PPP2R2B: variants seen among roughly 807,000 people sequenced by gnomAD.
PPP2R2B encodes serine/threonine-protein phosphatase 2A 55 kDa regulatory subunit B beta isoform.
Under a neutral mutation model 46.0 loss-of-function variants are expected in PPP2R2B, and 5 were observed. That is an observed-to-expected ratio of 0.11 (90% CI 0.06 to 0.23). PPP2R2B has a LOEUF of 0.23. Among genes scored for constraint, PPP2R2B ranks in the 10% least tolerant of loss-of-function variants. The pLI is 1.00. For missense variants in PPP2R2B, 367 were observed against 575.0 expected (o/e 0.64, Z 3.70); for synonymous variants, 215 against 206.7 (o/e 1.04, Z -0.34).
Position 146,590,190 on chromosome 5 carries a change from C to T in PPP2R2B, c.1089G>A (p.Arg363=). ...CACGCTTGGTGTTTCTGTCGAACAT[C>T]CTGAAGAAGTTGTTGTAGGAGCCTG... ...IMTGSYNNFF[R]MFDRNTKRDV... The change falls in exon 10 of 10, where the codon AGG becomes AGA. Residue 363 remains arginine (R), a synonymous_variant. Coordinates refer to ENST00000394411, the MANE Select transcript of PPP2R2B (RefSeq NM_181675.4). The T allele has an allele frequency of 6.2e-7, 1 of 1,613,262 alleles. No homozygotes were observed. Among genetic ancestry groups the T allele is most frequent in the South Asian group, 1.1e-5 (1 of 91,052 alleles).
chr5:146,882,697 G>A (rs942771628), upstream of PPP2R2B, among the ~76,000 whole-genome samples: 3 of 152,220 alleles, frequency 2.0e-5, no homozygotes, highest in African/African-American at 4.8e-5. Flanking sequence ...CACTGGGATA[G>A]GATTATAGAT....
intron 5 of PPP2R2B, among the ~76,000 whole-genome samples, chr5:146,653,015 C>T (rs1376120676): frequency 2.6e-5 from 4 of 152,098 alleles, no homozygotes; most frequent in Non-Finnish European, 1.5e-5. Flanking sequence ...AAACACTACA[C>T]CAAAATATTT....
intron 7 of PPP2R2B, among the ~76,000 whole-genome samples, chr5:146,602,430 T>G (rs1274097208): frequency 1.1e-4 from 16 of 152,290 alleles, no homozygotes; most frequent in Non-Finnish European, 1.5e-5. Flanking sequence ...CTGAAACATA[T>G]GCATTTGCTG....
exon 1 of PPP2R2B, chr5:147,055,887 T>TGGGTGCA (rs1338470324): frequency 9.6e-5 from 139 of 1,450,750 alleles, no homozygotes; most frequent in Non-Finnish European, 1.2e-4. Context: ...GCCCGAGGAA[T>TGGGTGCA]AACTGGAGAT....
chr5:146,609,020 C>G (rs765105247), intron 7 of PPP2R2B, among the ~76,000 whole-genome samples: 7 of 152,010 alleles, frequency 4.6e-5, no homozygotes, highest in Admixed American at 1.3e-4. Flanking sequence ...ATACAAAAAT[C>G]CTCAAAAAAA....
chr5:146,980,695 T>C (rs888074413), intron 1 of PPP2R2B, among the ~76,000 whole-genome samples: 8 of 152,228 alleles, frequency 5.3e-5, no homozygotes, highest in Admixed American at 5.2e-4. Context: ...ATGTGGTCTC[T>C]GTTATATTGA....
chr5:147,076,962 C>T (rs1343117741), intron 2 of PPP2R2B, among the ~76,000 whole-genome samples: 2 of 148,808 alleles, frequency 1.3e-5, no homozygotes, highest in East Asian at 1.9e-4. Context: ...AAATTCTAGT[C>T]TGCTACTTGA....
intron 2 of PPP2R2B, among the ~76,000 whole-genome samples, chr5:146,772,032 T>G (rs1754889215): frequency 6.6e-6 from 1 of 152,168 alleles, no homozygotes; most frequent in Non-Finnish European, 1.5e-5. Context: ...GTTGCAGCAT[T>G]GCTTATACTA....
Position 146,836,460 on chromosome 5 carries a change from C to T in PPP2R2B, c.70+41542G>A, listed in dbSNP as rs116674554. The stretch of plus-strand genomic sequence containing the variant: ...GAGATGGCACTGTCCCAAATTGCAA[C>T]GAACTGGACTCCACTTGTATTTTGT... On this transcript the variant is annotated intron_variant, in intron 2 of 9. Transcript: ENST00000394411. Among the ~76,000 whole-genome samples, 524 of 152,308 alleles carry T rather than the reference C, an allele frequency of 3.4e-3. 2 individuals carry two copies. The highest frequency in any genetic ancestry group is 0.011 in the African/African-American group (469 of 41,570).
intron 7 of PPP2R2B, among the ~76,000 whole-genome samples, chr5:146,605,330 T>G (rs1330835363): frequency 2.0e-5 from 3 of 152,198 alleles, no homozygotes; most frequent in Non-Finnish European, 4.4e-5. Context: ...GGAGTAAGTG[T>G]TGCCTACCAG....
At chr5:146,761,435 G>A (rs1308269537) in intron 2 of PPP2R2B, among the ~76,000 whole-genome samples, 1 of 152,048 alleles carries the variant, frequency 6.6e-6, no homozygotes, top group Non-Finnish European at 1.5e-5. Context: ...AACACCACAA[G>A]TTTTCACTCA....
At chr5:146,696,941 C>T (rs1779212544) in intron 4 of PPP2R2B, among the ~76,000 whole-genome samples, 1 of 152,176 alleles carries the variant, frequency 6.6e-6, no homozygotes, top group Non-Finnish European at 1.5e-5. Flanking sequence ...TGACAAGTTG[C>T]CCATACTGCA....
chr5:146,696,497 C>T (rs1432551515), intron 4 of PPP2R2B, among the ~76,000 whole-genome samples: 1 of 152,132 alleles, frequency 6.6e-6, no homozygotes, highest in African/African-American at 2.4e-5. Flanking sequence ...TTTTCCTCTG[C>T]CTAAAGTAAT....
intron 5 of PPP2R2B, among the ~76,000 whole-genome samples, chr5:146,668,815 G>A (rs1022666252): frequency 6.6e-6 from 1 of 152,108 alleles, no homozygotes; most frequent in Non-Finnish European, 1.5e-5. Context: ...ACTGCTTTCT[G>A]ACCTCTTTGC....
At chr5:146,983,467 A>G (rs533875945) in intron 1 of PPP2R2B, among the ~76,000 whole-genome samples, 4 of 152,278 alleles carry the variant, frequency 2.6e-5, no homozygotes, top group Non-Finnish European at 5.9e-5. Flanking sequence ...GGCGTGAGCC[A>G]CTGCACCCGG....
At chr5:147,076,059 T>C (rs943302673) in intron 2 of PPP2R2B, among the ~76,000 whole-genome samples, 1 of 152,194 alleles carries the variant, frequency 6.6e-6, no homozygotes. Flanking sequence ...TTCCCATAAG[T>C]AGTGAAGCTA....
intron 1 of PPP2R2B, among the ~76,000 whole-genome samples, chr5:146,937,131 G>T (rs192011932): frequency 6.6e-6 from 1 of 151,976 alleles, no homozygotes. Flanking sequence ...GTGAAACCCC[G>T]TCTCTACTAA....
chr5:146,979,750 G>A lies in PPP2R2B; in HGVS notation c.79+75915C>T, dbSNP rs1224200396. ...TGATAAAGTTTAATTTACAAATAAG[G>A]CATAGTCAGAGATTAACAACAATAA... On this transcript the variant is annotated intron_variant, in intron 1 of 8. Coordinates refer to the PPP2R2B transcript ENST00000336640. 3.3e-5 allele frequency among the ~76,000 whole-genome samples: 5 copies of A among 152,076 alleles called. No homozygotes were observed. The East Asian group carries it at 9.7e-4, about 29-fold the overall frequency.
chr5:146,827,967 A>T (rs1318196195), intron 2 of PPP2R2B, among the ~76,000 whole-genome samples: 1 of 151,892 alleles, frequency 6.6e-6, no homozygotes, highest in Non-Finnish European at 1.5e-5. Flanking sequence ...TGCTCAGGGG[A>T]AAAAGAATTG....
Sources: allele counts gnomAD v4.1 joint callset (sites outside exome capture counted in the v4.1 genomes callset), GRCh38; gene constraint gnomAD v4.1.1; transcripts MANE v1.5; gene names NCBI Gene and HGNC (gene_info 2026-07-23, HGNC 2026-07-21).